FAM3B: variants seen among roughly 807,000 people sequenced by gnomAD.
FAM3B encodes the protein FAM3 metabolism regulating signaling molecule B.
FAM3B carries 29 observed loss-of-function variants against 28.4 expected under a neutral mutation model. The ratio of observed to expected loss-of-function variants is 1.02; its 90% CI spans 0.76 to 1.39. FAM3B has a LOEUF of 1.39. FAM3B is among the 40% of genes most tolerant of loss of function. FAM3B has a pLI of 0.00. For synonymous variants in FAM3B, 91 were observed against 103.0 expected, an observed-to-expected ratio of 0.88 and a Z score of 0.71; for missense variants, 266 against 293.9, an observed-to-expected ratio of 0.91 and a Z score of 0.69.
chr21:41,313,653 A>G (rs1462142551), upstream of FAM3B, among the ~76,000 whole-genome samples: 3 of 36,440 alleles, frequency 8.2e-5, no homozygotes, highest in Non-Finnish European at 1.5e-4. Context: ...TACAGTATGT[A>G]TGCATGTCGC....
chr21:41,328,267 A>T (rs1343716132), intron 2 of FAM3B, among the ~76,000 whole-genome samples: 2 of 152,184 alleles, frequency 1.3e-5, no homozygotes, highest in African/African-American at 4.8e-5. Context: ...GTGTCTGCAA[A>T]GTTGGAAACC....
chr21:41,312,964 T>G (rs2088724421), upstream of FAM3B, among the ~76,000 whole-genome samples: 1 of 152,036 alleles, frequency 6.6e-6, no homozygotes, highest in Non-Finnish European at 1.5e-5. Flanking sequence ...GTGTAGCGAG[T>G]GGGGAAGTGC....
intron 2 of FAM3B, 58 bp from the exon 3 acceptor site, chr21:41,338,320 G>A: frequency 6.3e-7 from 1 of 1,597,284 alleles, no homozygotes; most frequent in Non-Finnish European, 8.6e-7. Flanking sequence ...CAAGCAGCAG[G>A]TGCATCTGTA....
rs1249908402 is a variant in FAM3B at position 41,326,603 on chromosome 21, G to A, written c.163+3537G>A. Among the ~76,000 whole-genome samples the A allele has an allele frequency of 6.6e-6, 1 of 152,236 alleles. No individual in the cohort carries two copies. On this transcript the variant is annotated intron_variant, in intron 2 of 7. Transcript: ENST00000357985. The surrounding 1 kb of genome is among the most constrained non-coding windows in gnomAD (Gnocchi z 4.0). ...AGGCCATGCTCATGGCTGACGGGCT[G>A]CCAGGCCCTGGCGTGGGGACCTGCT... is the stretch of plus-strand genomic sequence containing the variant.
At chr21:41,340,415 G>T (rs1280088612) in intron 3 of FAM3B, among the ~76,000 whole-genome samples, 2 of 152,186 alleles carry the variant, frequency 1.3e-5, no homozygotes, top group East Asian at 3.9e-4. Context: ...GGCTCCCAAA[G>T]TGCTGGGATT....
At chr21:41,307,789 C>A (rs1485688998) in intron 1 of FAM3B, among the ~76,000 whole-genome samples, 2 of 152,040 alleles carry the variant, frequency 1.3e-5, no homozygotes, top group Non-Finnish European at 2.9e-5. Context: ...TCATGGCACC[C>A]CCAAAATAGT....
intron 1 of FAM3B, among the ~76,000 whole-genome samples, chr21:41,317,806 G>A (rs2088763957): frequency 6.6e-6 from 1 of 152,128 alleles, no homozygotes; most frequent in African/African-American, 2.4e-5. Flanking sequence ...ACTCCAGCAA[G>A]TTCTAAATGC....
At chr21:41,355,730 A>G (rs753524510) in intron 7 of FAM3B, among the ~76,000 whole-genome samples, 42 of 152,144 alleles carry the variant, frequency 2.8e-4, no homozygotes, top group Admixed American at 2.6e-4. Context: ...TGTTTGGGTG[A>G]TGAAAATGTT....
Position 41,348,816 on chromosome 21 carries a change from C to G in FAM3B, c.618+92C>G, listed in dbSNP as rs1442596357. The G allele has an allele frequency of 2.0e-5, 28 of 1,400,896 alleles. No individual in the cohort carries two copies. In the Admixed American group the frequency reaches 4.9e-4, roughly 25 times the overall value. 86.8% of individuals were successfully genotyped at this position (1,400,896 alleles called of 1,614,324 possible). A position where few individuals can be genotyped will look rare whatever the true frequency, so the allele number is the denominator to read the frequency against. On this transcript the variant is annotated intron_variant, in intron 7 of 7. Transcript: ENST00000357985. ...TTCCTGGTGGGTTATAACTCCGTCT[C>G]CAAACATAAGAGTTGTGTCAGCTGT...
intron 1 of FAM3B, among the ~76,000 whole-genome samples, chr21:41,306,743 A>G (rs987506406): frequency 1.3e-5 from 2 of 152,218 alleles, no homozygotes; most frequent in South Asian, 4.1e-4. Context: ...CAGTAGATGT[A>G]GCATACTTCT....
At chr21:41,342,221 A>G (rs937714050) in intron 3 of FAM3B, among the ~76,000 whole-genome samples, 1 of 152,122 alleles carries the variant, frequency 6.6e-6, no homozygotes, top group African/African-American at 2.4e-5. Flanking sequence ...TGACAGTCTT[A>G]TTGTCGCTGC....
chr21:41,322,359 A>C (rs1156727302), intron 1 of FAM3B, among the ~76,000 whole-genome samples: 1 of 152,112 alleles, frequency 6.6e-6, no homozygotes, highest in Non-Finnish European at 1.5e-5. Context: ...CACATCCGGG[A>C]TGATAGAACA....
intron 7 of FAM3B, among the ~76,000 whole-genome samples, chr21:41,354,803 A>C (rs1217141820): frequency 6.6e-6 from 1 of 150,908 alleles, no homozygotes; most frequent in Non-Finnish European, 1.5e-5. Flanking sequence ...TACCTATGGA[A>C]CAAACCTGCA....
rs115228967 is a variant in FAM3B at position 41,355,488 on chromosome 21, C to A, written c.619-1620C>A. ...GCTTAGCCATACAATGGAATATATT[C>A]AAATACGTAAAGAAATAAAATTCTG... On this transcript the variant is annotated intron_variant, in intron 7 of 7. Transcript: ENST00000357985. Among the ~76,000 whole-genome samples the A allele has an allele frequency of 4.1e-3, 628 of 152,192 alleles. 6 individuals carry two copies. The highest frequency in any genetic ancestry group is 0.014 in the African/African-American group (601 of 41,524).
intron 2 of FAM3B, among the ~76,000 whole-genome samples, chr21:41,331,040 A>G (rs570886808): frequency 6.6e-6 from 1 of 152,338 alleles, no homozygotes; most frequent in South Asian, 2.1e-4. Context: ...TGGTTATACT[A>G]ACCTACATTC....
upstream of FAM3B, among the ~76,000 whole-genome samples, chr21:41,314,356 T>C (rs760868351): frequency 2.0e-5 from 3 of 152,344 alleles, no homozygotes; most frequent in Admixed American, 6.5e-5. Flanking sequence ...TAGTGTTCGT[T>C]ACAGCAAACA....
intron 1 of FAM3B, among the ~76,000 whole-genome samples, chr21:41,308,913 G>A (rs74463686): frequency 0.03 from 4,564 of 152,190 alleles, 216 homozygotes; most frequent in African/African-American, 0.1. Context: ...ACAGACTCTG[G>A]GAGGTCAGCA....
chr21:41,346,930 C>T, intron 5 of FAM3B, 83 bp from the exon 6 acceptor site: 1 of 1,165,336 alleles, frequency 8.6e-7, no homozygotes, highest in Non-Finnish European at 1.3e-6. Context: ...ACACAGAATG[C>T]AGGTGCAGGA....
rs747447014 is a variant in FAM3B, at chr21:41,322,594, G to A, written c.20-329G>A. The A allele has an allele frequency of 4.0e-5, 29 of 717,296 alleles. 1 individual carries two copies. Among genetic ancestry groups the A allele is most frequent in the South Asian group, 3.3e-4 (22 of 67,600 alleles). The allele number at this position is 717,296 out of a possible 1,614,324, so 44.4% of individuals were successfully genotyped here. A position where few individuals can be genotyped will look rare whatever the true frequency, so the allele number is the denominator to read the frequency against. On this transcript the variant is annotated intron_variant, in intron 1 of 7. Coordinates refer to ENST00000357985, the MANE Select transcript of FAM3B (RefSeq NM_058186.4). ...GGCGCTTTTGTTTTTTCAGGTTCAC[G>A]TTGGGCATGCTGGCTCACAAGGTGC...
Sources: allele counts gnomAD v4.1 joint callset (sites outside exome capture counted in the v4.1 genomes callset), GRCh38; gene constraint gnomAD v4.1.1; non-coding constraint Gnocchi (gnomAD v3.1); transcripts MANE v1.5; gene names NCBI Gene and HGNC (gene_info 2026-07-23, HGNC 2026-07-21).